Variants in HTR1D observed in about 807,000 individuals in gnomAD.
The protein encoded by HTR1D is 5-hydroxytryptamine receptor 1D.
Under a neutral mutation model 21.1 loss-of-function variants are expected in HTR1D, and 18 were observed. The ratio of observed to expected loss-of-function variants is 0.85; its 90% CI spans 0.59 to 1.27. The LOEUF is 1.27. Ranked by LOEUF, HTR1D falls within the 50% of genes most tolerant of loss-of-function variation. The pLI, the probability that HTR1D is intolerant of heterozygous loss-of-function variation, is 0.00. For synonymous variants in HTR1D, 196 were observed against 204.4 expected (o/e 0.96, Z 0.35); for missense variants, 456 against 481.4 (o/e 0.95, Z 0.49).
At chr1:23,205,679 G>T (rs943858750) in intron 1 of HTR1D, among the ~76,000 whole-genome samples, 2 of 152,144 alleles carry the variant, frequency 1.3e-5, no homozygotes, top group Non-Finnish European at 2.9e-5. Context: ...GAGTAGCTGG[G>T]ATTACAGGCA....
At chr1:23,205,229 C>T (rs582999) in intron 1 of HTR1D, among the ~76,000 whole-genome samples, 73,612 of 142,584 alleles carry the variant, frequency 0.52, 18,746 homozygotes, top group African/African-American at 0.65. Flanking sequence ...CAATGGACTT[C>T]GGGGACTTGG....
intron 1 of HTR1D, among the ~76,000 whole-genome samples, chr1:23,199,545 C>T (rs905695459): frequency 1.1e-4 from 16 of 145,964 alleles, no homozygotes; most frequent in East Asian, 4.3e-4. Flanking sequence ...ATCCTCCCAA[C>T]TTGGCCTCCC....
At chr1:23,199,058 C>T (rs886854037) in intron 1 of HTR1D, among the ~76,000 whole-genome samples, 1 of 151,868 alleles carries the variant, frequency 6.6e-6, no homozygotes, top group African/African-American at 2.4e-5. Flanking sequence ...TGGGGTTTCG[C>T]CATGTTGGCC....
rs746232210 is a variant in HTR1D, at chr1:23,196,455, AAAG to A, written c.-782-1457_-782-1455del. On this transcript the variant is annotated intron_variant, in intron 1 of 1. Transcript: ENST00000374619. The stretch of plus-strand genomic sequence containing the variant: ...GTGAAACTCTGCCAAAAAAAAAAAA[AAAG>A]AAGGAGCAGCAGCTAAACCTGCAAT... Among the ~76,000 whole-genome samples, 258 of 151,790 alleles carry A rather than the reference AAAG, an allele frequency of 1.7e-3. 4 individuals carry two copies. The East Asian group carries it at 0.043, about 25-fold the overall frequency.
chr1:23,207,778 T>C (rs1394031604), intron 1 of HTR1D, among the ~76,000 whole-genome samples: 1 of 150,556 alleles, frequency 6.6e-6, no homozygotes, highest in African/African-American at 2.4e-5. Context: ...TTTTTTTTTT[T>C]TGAGGCGGAG....
Position 23,193,358 on chromosome 1 carries a change from G to T in HTR1D, c.862C>A (p.Arg288Ser), listed in dbSNP as rs140039742. The change falls in exon 2 of 2, where the codon CGC becomes AGC. Residue 288 changes from arginine to serine, a missense_variant. By Grantham distance (110) the Arg-to-Ser change is moderately radical. Coordinates refer to ENST00000374619, the MANE Select transcript of HTR1D (RefSeq NM_000864.5). ...KIKLADSALE[R>S]KRISAARERK... ...TCTCGAGCAGCAGAAATCCTCTTGC[G>T]TTCCAGGGCACTGTCAGCAAGCTTG... The T allele has an allele frequency of 3.1e-6, 5 of 1,614,050 alleles. No individual in the cohort carries two copies. Among genetic ancestry groups the T allele is most frequent in the Non-Finnish European group, 4.2e-6 (5 of 1,180,048 alleles).
chr1:23,212,181 C>T (rs954602896), intron 1 of HTR1D, among the ~76,000 whole-genome samples: 3 of 152,178 alleles, frequency 2.0e-5, no homozygotes, highest in Non-Finnish European at 4.4e-5. Flanking sequence ...CCCACCCTCT[C>T]GGGAAGTTTC....
chr1:23,202,983 C>T (rs967609842), intron 1 of HTR1D, among the ~76,000 whole-genome samples: 8 of 151,960 alleles, frequency 5.3e-5, no homozygotes, highest in Non-Finnish European at 1.0e-4. Context: ...GGGGCAATCT[C>T]GGCTCAATGC....
In HTR1D at chr1:23,193,555, C is replaced by A; in HGVS notation, c.665G>T (p.Arg222Leu). Reference sequence around the variant, plus strand: ...ATTCAGGATGCGGTTCCGGGCAGCCCGGTAGATCCGGCCATATAGGATGAT... The same window carrying A: ...ATTCAGGATGCGGTTCCGGGCAGCCAGGTAGATCCGGCCATATAGGATGAT... ...LLIILYGRIY[R>L]AARNRILNPP... The change falls in exon 2 of 2, where the codon CGG (arginine) becomes CTG (leucine). Residue 222 changes from arginine (R) to leucine (L), a missense_variant. Coordinates refer to ENST00000374619, the MANE Select transcript of HTR1D (RefSeq NM_000864.5). 1.2e-6 allele frequency: 2 copies of A among 1,613,942 alleles called. No individual in the cohort carries two copies. The highest frequency in any genetic ancestry group is 1.7e-6 in the Non-Finnish European group (2 of 1,179,896).
chr1:23,209,235 G>A (rs1339607913), intron 1 of HTR1D, among the ~76,000 whole-genome samples: 1 of 152,150 alleles, frequency 6.6e-6, no homozygotes. Flanking sequence ...CTGACCTCAG[G>A]TGATCCGTCC....
At chr1:23,206,168 A>C (rs566970613) in intron 1 of HTR1D, among the ~76,000 whole-genome samples, 4 of 151,842 alleles carry the variant, frequency 2.6e-5, no homozygotes, top group African/African-American at 4.8e-5. Flanking sequence ...CAGCCTCCCG[A>C]GTAGCTGGGA....
intron 1 of HTR1D, among the ~76,000 whole-genome samples, chr1:23,216,676 C>A (rs1025251074): frequency 2.6e-5 from 4 of 152,232 alleles, no homozygotes; most frequent in African/African-American, 9.6e-5. Context: ...TTTACAGTTT[C>A]TAAAAAAAGC....
At chr1:23,210,109 G>T (rs1302512592) in intron 1 of HTR1D, among the ~76,000 whole-genome samples, 1 of 152,024 alleles carries the variant, frequency 6.6e-6, no homozygotes, top group African/African-American at 2.4e-5. Context: ...TTTGGGACAG[G>T]GTCTCACTCT....
At chr1:23,213,632 G>A (rs16828047) in intron 1 of HTR1D, among the ~76,000 whole-genome samples, 20,076 of 152,192 alleles carry the variant, frequency 0.13, 1,665 homozygotes, top group South Asian at 0.32. Context: ...GGGCATTCAT[G>A]TCTTAGTTCA....
chr1:23,216,378 A>G (rs117445855), intron 1 of HTR1D, among the ~76,000 whole-genome samples: 5,133 of 152,314 alleles, frequency 0.034, 357 homozygotes, highest in Admixed American at 0.16. Flanking sequence ...TGTTGTCCCC[A>G]CTTCATATGG....
At chr1:23,205,247 G>A (rs1252014286) in intron 1 of HTR1D, among the ~76,000 whole-genome samples, 1 of 152,114 alleles carries the variant, frequency 6.6e-6, no homozygotes, top group Non-Finnish European at 1.5e-5. Flanking sequence ...TGGGGGGAAG[G>A]GTGGGAGGGG....
chr1:23,193,206 A>C lies in HTR1D; in HGVS notation c.1014T>G (p.Phe338Leu). Residue 338 changes from phenylalanine to leucine, a missense_variant, in exon 2 of 2, where the codon TTT (phenylalanine) becomes TTG (leucine). Physicochemically the swap from Phe to Leu is conservative, Grantham distance 22 (BLOSUM62 0). Coordinates refer to ENST00000374619, the MANE Select transcript of HTR1D (RefSeq NM_000864.5). Reference protein sequence around the residue: ...RDSCWIHPALFDFFTWLGYLN... With the variant: ...RDSCWIHPALLDFFTWLGYLN... ...AATAGCCTAGCCAGGTGAAGAAGTC[A>C]AAGAGCGCCGGGTGGATCCAGCAGG... The C allele has an allele frequency of 6.2e-7, 1 of 1,614,080 alleles. No individual in the cohort carries two copies. Among genetic ancestry groups the C allele is most frequent in the Non-Finnish European group, 8.5e-7 (1 of 1,179,994 alleles).
rs947951826 is a variant in HTR1D, at chr1:23,194,411, CAAT to C, written c.-195_-193del. 38 of 419,214 alleles carry C rather than the reference CAAT, an allele frequency of 9.1e-5. No individual in the cohort carries two copies. The highest frequency in any genetic ancestry group is 1.6e-4 in the East Asian group (4 of 25,284). 26.0% of individuals were successfully genotyped at this position (419,214 alleles called of 1,614,324 possible). A position where few individuals can be genotyped will look rare whatever the true frequency, so the allele number is the denominator to read the frequency against. On this transcript the variant is annotated 5_prime_UTR_variant, in exon 2 of 2. Coordinates refer to ENST00000374619, the MANE Select transcript of HTR1D (RefSeq NM_000864.5). The stretch of plus-strand genomic sequence containing the variant: ...GTTGCAATAAAATAAAATTAAATAA[CAAT>C]AATAATAATAATATTAAACAAGACC...
rs1012150844 is a variant in HTR1D, at chr1:23,217,452, G to T, written c.-944C>A. ...GGGGCCCTTTCCGGCTCGCGCCCTC[G>T]CGATCCCGCACCTGCCTCCGCCTCT... is the stretch of plus-strand genomic sequence containing the variant. On this transcript the variant is annotated 5_prime_UTR_variant, in exon 1 of 2. Coordinates refer to ENST00000374619, the MANE Select transcript of HTR1D (RefSeq NM_000864.5). This position sits in a 1 kb window ranked among gnomAD's most constrained non-coding sequence, Gnocchi z 4.6. Among the ~76,000 whole-genome samples the T allele has an allele frequency of 5.3e-5, 8 of 151,812 alleles. No homozygotes were observed. The East Asian group carries it at 1.2e-3, about 22-fold the overall frequency.
Sources: allele counts gnomAD v4.1 joint callset (sites outside exome capture counted in the v4.1 genomes callset), GRCh38; gene constraint gnomAD v4.1.1; non-coding constraint Gnocchi (gnomAD v3.1); transcripts MANE v1.5; gene names NCBI Gene and HGNC (gene_info 2026-07-23, HGNC 2026-07-21).